Variants in RHCG observed in about 807,000 individuals in gnomAD.
The protein encoded by RHCG is Rh family C glycoprotein.
RHCG carries 39 observed loss-of-function variants against 55.3 expected under a neutral mutation model. That is an observed-to-expected ratio of 0.70 (90% CI 0.55 to 0.92). The LOEUF (loss-of-function observed/expected upper bound fraction) is 0.92. RHCG is among the 40% of genes least tolerant of loss of function. RHCG has a pLI of 0.00. For missense variants in RHCG, 635 were observed against 627.9 expected (o/e 1.01, Z -0.12); for synonymous variants, 250 against 246.8 (o/e 1.01, Z -0.12).
At chr15:89,479,565 T>C in intron 4 of RHCG, 77 bp from the exon 5 acceptor site, 1 of 1,357,412 alleles carries the variant, frequency 7.4e-7, no homozygotes, top group Non-Finnish European at 1.0e-6. Flanking sequence ...GCAGGCATCC[T>C]GTCCTTTAGC....
intron 1 of RHCG, among the ~76,000 whole-genome samples, chr15:89,493,199 C>G (rs1231050353): frequency 1.3e-5 from 2 of 152,202 alleles, no homozygotes; most frequent in African/African-American, 4.8e-5. Context: ...CGAAATGTGT[C>G]CCACTCCTCC....
chr15:89,492,547 C>T (rs1344449938), intron 1 of RHCG, among the ~76,000 whole-genome samples: 1 of 152,204 alleles, frequency 6.6e-6, no homozygotes, highest in African/African-American at 2.4e-5. Flanking sequence ...GGTCAGGGGG[C>T]AGCAATGCCA....
Position 89,477,958 on chromosome 15 carries a change from G to T in RHCG, c.854C>A (p.Ala285Asp), listed in dbSNP as rs1567225191. The stretch of plus-strand genomic sequence containing the variant: ...CACGGCCACCCCTCCTGCGAGCGTG[G>T]CATTCTGGATGTGCACCTGGGCAGG... The part of the protein sequence containing the change: ...GKLDMVHIQN[A>D]TLAGGVAVGT... The change falls in exon 6 of 11, where the codon GCC (alanine) becomes GAC (aspartate). Residue 285 changes from alanine (A) to aspartate (D), a missense_variant. By Grantham distance (126) the Ala-to-Asp change is moderately radical (BLOSUM62 -2). Coordinates refer to ENST00000268122, the MANE Select transcript of RHCG (RefSeq NM_016321.3). The surrounding 1 kb of genome is among the most constrained non-coding windows in gnomAD (Gnocchi z 4.5). The T allele has an allele frequency of 1.2e-6, 2 of 1,608,690 alleles. No individual in the cohort carries two copies. Among genetic ancestry groups the T allele is most frequent in the East Asian group, 2.2e-5 (1 of 44,730 alleles).
In RHCG at chr15:89,477,787, C is replaced by G. The variant is rs756437442; in HGVS notation, c.975+50G>C. On this transcript the variant is annotated intron_variant, in intron 6 of 10. Coordinates refer to ENST00000268122, the MANE Select transcript of RHCG (RefSeq NM_016321.3). The surrounding 1 kb of genome is among the most constrained non-coding windows in gnomAD (Gnocchi z 4.5). ...AACCCTCAGCTCACTGTCAGGAACA[C>G]AAAGACCTCAGCATTCTCTAGCCCC... 2.2e-5 allele frequency: 36 copies of G among 1,610,828 alleles called. No homozygotes were observed. The highest frequency in any genetic ancestry group is 2.9e-5 in the Non-Finnish European group (34 of 1,177,872).
At chr15:89,485,543 C>A (rs1364915958) in intron 2 of RHCG, among the ~76,000 whole-genome samples, 1 of 152,208 alleles carries the variant, frequency 6.6e-6, no homozygotes, top group Non-Finnish European at 1.5e-5. Flanking sequence ...CAGGGATTTG[C>A]CCTTTAAAGG....
chr15:89,479,655 T>C, intron 4 of RHCG, 167 bp from the exon 5 acceptor site: 1 of 637,420 alleles, frequency 1.6e-6, no homozygotes, highest in Non-Finnish European at 2.7e-6. Context: ...AGGCCCTCCC[T>C]GCCTTCCTTA....
At chr15:89,474,819 TGCC>T (rs1961105531) in intron 9 of RHCG, among the ~76,000 whole-genome samples, 1 of 129,754 alleles carries the variant, frequency 7.7e-6, no homozygotes, top group Non-Finnish European at 1.7e-5. Flanking sequence ...CCTTCCTGCC[TGCC>T]TTCCTTCCTG....
chr15:89,493,840 GC>G (rs1961519014), intron 1 of RHCG, among the ~76,000 whole-genome samples: 1 of 152,116 alleles, frequency 6.6e-6, no homozygotes, highest in Non-Finnish European at 1.5e-5. Flanking sequence ...CTCCGCTCTG[GC>G]CTTAGTTTCC....
chr15:89,486,103 A>G (rs114780928), intron 2 of RHCG, among the ~76,000 whole-genome samples: 2,486 of 152,262 alleles, frequency 0.016, 66 homozygotes, highest in African/African-American at 0.055. Context: ...AGAAGTCATG[A>G]GAAGGATGGA....
At chr15:89,473,856 A>G (rs1007516043) in intron 9 of RHCG, among the ~76,000 whole-genome samples, 1 of 152,194 alleles carries the variant, frequency 6.6e-6, no homozygotes, top group Non-Finnish European at 1.5e-5. Context: ...GAGAGGTGTG[A>G]ACTTGGAATA....
At chr15:89,480,186 C>T in intron 4 of RHCG, 75 bp downstream of exon 4, 1 of 1,590,398 alleles carries the variant, frequency 6.3e-7, no homozygotes, top group Non-Finnish European at 8.6e-7. Flanking sequence ...GGCCTTCACC[C>T]ATCATGGCTG....
At position 89,496,320 on chromosome 15, in the gene RHCG, G is replaced by A. The variant is rs753584212; in HGVS notation, c.184+41C>T. On this transcript the variant is annotated intron_variant, in intron 1 of 10. Transcript: ENST00000268122. ...AGCCCTTGGCCAGGTGGGGACCGGC[G>A]CGGATATGCCTCCGCTGGGCCTGCA... is the stretch of plus-strand genomic sequence containing the variant. 9.3e-6 allele frequency: 15 copies of A among 1,607,402 alleles called. No individual in the cohort carries two copies. In the African/African-American group the frequency reaches 1.9e-4, roughly 20 times the overall value.
chr15:89,490,820 G>A (rs1265063316), intron 1 of RHCG, among the ~76,000 whole-genome samples: 1 of 151,908 alleles, frequency 6.6e-6, no homozygotes, highest in Non-Finnish European at 1.5e-5. Context: ...GGGGTTAGGG[G>A]GAGAAATGGA....
At chr15:89,479,662 C>T in intron 4 of RHCG, 174 bp from the exon 5 acceptor site, 2 of 623,726 alleles carry the variant, frequency 3.2e-6, no homozygotes, top group African/African-American at 1.8e-5. Flanking sequence ...CCCTGCCTTC[C>T]TTACCCCCCA....
At chr15:89,489,950 T>G (rs1347867017) in intron 1 of RHCG, among the ~76,000 whole-genome samples, 1 of 152,220 alleles carries the variant, frequency 6.6e-6, no homozygotes, top group East Asian at 1.9e-4. Flanking sequence ...GCCATGCCTG[T>G]TTTGTTCACT....
At chr15:89,483,363 C>T (rs1370434458) in intron 2 of RHCG, 146 bp from the exon 3 acceptor site, 29 of 669,602 alleles carry the variant, frequency 4.3e-5, no homozygotes, top group Non-Finnish European at 2.4e-5. Context: ...GGGCACCTAA[C>T]ATTTAGAGCT....
intron 4 of RHCG, 128 bp downstream of exon 4, chr15:89,480,132 CG>C (rs1038890993): frequency 3.5e-5 from 44 of 1,251,682 alleles, no homozygotes; most frequent in Non-Finnish European, 5.0e-5. Context: ...CACCATACCA[CG>C]TGGGGATCAG....
rs556752332 is a variant in RHCG at position 89,488,750 on chromosome 15, T to C, written c.185-1765A>G. The stretch of plus-strand genomic sequence containing the variant: ...TAATACCTTACTCTAGACTGGATTC[T>C]GTATTTGGTGGGGCTGGGAGAATGG... On this transcript the variant is annotated intron_variant, in intron 1 of 10. Coordinates refer to ENST00000268122, the MANE Select transcript of RHCG (RefSeq NM_016321.3). 2.9e-3 allele frequency among the ~76,000 whole-genome samples: 421 copies of C among 143,244 alleles called. 3 individuals carry two copies. Among genetic ancestry groups the C allele is most frequent in the African/African-American group, 0.011 (402 of 38,114 alleles). The allele number at this position is 143,244 out of a possible 152,430, so 94.0% of individuals were successfully genotyped here.
chr15:89,493,325 G>A (rs995966223), intron 1 of RHCG, among the ~76,000 whole-genome samples: 1 of 152,212 alleles, frequency 6.6e-6, no homozygotes, highest in Non-Finnish European at 1.5e-5. Context: ...CAGCCCACAG[G>A]GAAGCTGCGT....
Sources: gnomAD v4.1 joint callset for allele counts (sites outside exome capture counted in the v4.1 genomes callset) on GRCh38, gnomAD v4.1.1 for gene constraint, Gnocchi (gnomAD v3.1) non-coding constraint, MANE v1.5 for transcripts, NCBI Gene and HGNC (gene_info 2026-07-23, HGNC 2026-07-21) for gene names.